Variants in N4BP2 observed in about 807,000 individuals in gnomAD.
The protein encoded by N4BP2 is NEDD4 binding protein 2.
N4BP2 carries 91 observed loss-of-function variants against 152.8 expected under a neutral mutation model. The ratio of observed to expected loss-of-function variants is 0.60; its 90% CI spans 0.50 to 0.71. The LOEUF (loss-of-function observed/expected upper bound fraction) is 0.71, where lower values mean the gene tolerates loss of function less well. N4BP2 is among the 30% of genes least tolerant of loss of function. N4BP2 has a pLI of 0.00. For missense variants in N4BP2, 1,923 were observed against 2,059.1 expected (o/e 0.93, Z 1.28); for synonymous variants, 646 against 705.3 (o/e 0.92, Z 1.33).
chr4:40,064,353 C>T (rs1336088868), intron 1 of N4BP2, among the ~76,000 whole-genome samples: 1 of 152,092 alleles, frequency 6.6e-6, no homozygotes, highest in African/African-American at 2.4e-5. Context: ...TGACTCACTG[C>T]AACCTCTGCC....
intron 2 of N4BP2, among the ~76,000 whole-genome samples, chr4:40,085,275 A>G (rs564616582): frequency 6.6e-5 from 10 of 151,976 alleles, no homozygotes; most frequent in Admixed American, 1.3e-4. Flanking sequence ...ACCTCAGGCA[A>G]TCTGCCCGCC....
At chr4:40,079,665 A>G (rs1713155428) in intron 2 of N4BP2, among the ~76,000 whole-genome samples, 1 of 152,144 alleles carries the variant, frequency 6.6e-6, no homozygotes. Context: ...AAATTAGCTG[A>G]GTGACATGTG....
chr4:40,171,065 C>A, the N4BP2 span, among the ~76,000 whole-genome samples: 86 of 152,240 alleles, frequency 5.6e-4, no homozygotes, highest in Non-Finnish European at 9.4e-4. Flanking sequence ...TAGGGATGCC[C>A]AGTTTAATGA....
intron 2 of N4BP2, among the ~76,000 whole-genome samples, chr4:40,094,293 C>T (rs1479383756): frequency 6.6e-6 from 1 of 152,042 alleles, no homozygotes; most frequent in Non-Finnish European, 1.5e-5. Context: ...TCTGTTAATA[C>T]TTGAAAAGAG....
intron 13 of N4BP2, among the ~76,000 whole-genome samples, chr4:40,134,198 A>G (rs1719150918): frequency 6.6e-6 from 1 of 152,120 alleles, no homozygotes. Context: ...TAGTATTCCA[A>G]TCCCTAATTT....
chr4:40,180,796 T>C, the N4BP2 span, among the ~76,000 whole-genome samples: 7 of 152,174 alleles, frequency 4.6e-5, no homozygotes, highest in Admixed American at 1.3e-4. Context: ...TATTGATTGG[T>C]GAAAACAAAA....
Position 40,126,286 on chromosome 4 carries a change from G to T in N4BP2, c.4483G>T (p.Glu1495Ter), listed in dbSNP as rs749871559. 3 of 1,581,882 alleles carry T rather than the reference G, an allele frequency of 1.9e-6. No homozygotes were observed. The highest frequency in any genetic ancestry group is 1.2e-5 in the South Asian group (1 of 85,840). The change falls in exon 12 of 18, where the codon GAA becomes TAA. Residue 1495 changes from glutamate to a stop codon, truncating the protein, a stop_gained. Transcript: ENST00000261435. LOFTEE classifies it high-confidence loss of function. ...TCAAACTAAAAAAGTATCACTCAGA[G>T]AAATAATGTCAGAAGAAATTGCCTT... ...NTQTKKVSLR[E>*]IMSEEIALQE...
rs1334878818 is a variant in N4BP2 at position 40,120,122 on chromosome 4, A to G, written c.2011A>G (p.Ser671Gly). The change falls in exon 9 of 18, where the codon AGC becomes GGC. Residue 671 changes from serine to glycine, a missense_variant. Coordinates refer to ENST00000261435, the MANE Select transcript of N4BP2 (RefSeq NM_018177.6). Reference sequence around the variant, plus strand: ...AAAAGAAATAAGTGATATGAATCCTAGCATTCAAAGTGCTTTAATTCTGGA... The same window carrying G: ...AAAAGAAATAAGTGATATGAATCCTGGCATTCAAAGTGCTTTAATTCTGGA... ...RRKEISDMNP[S>G]IQSALILETP... 2 of 1,612,116 alleles carry G rather than the reference A, an allele frequency of 1.2e-6. No homozygotes were observed. Among genetic ancestry groups the G allele is most frequent in the Admixed American group, 3.4e-5 (2 of 59,486 alleles).
At chr4:40,123,236 G>C in intron 10 of N4BP2, 24 bp downstream of exon 10, 2 of 1,494,944 alleles carry the variant, frequency 1.3e-6, no homozygotes, top group Non-Finnish European at 1.9e-6. Flanking sequence ...TTTTTATAAA[G>C]AGCTCCTTTT....
At position 40,121,536 on chromosome 4, in the gene N4BP2, A is replaced by G; in HGVS notation, c.3425A>G (p.Gln1142Arg). 3 of 1,614,162 alleles carry G rather than the reference A, an allele frequency of 1.9e-6. No homozygotes were observed. Among genetic ancestry groups the G allele is most frequent in the Non-Finnish European group, 2.5e-6 (3 of 1,180,000 alleles). Residue 1142 changes from glutamine to arginine, a missense_variant, in exon 9 of 18, where the codon CAA becomes CGA. Transcript: ENST00000261435. ...GAGGATACAGAGTTTGAGAATTTCC[A>G]AAAATCGTGTGATGGATCACAAATT... ...LCEDTEFENF[Q>R]KSCDGSQIGP...
chr4:40,075,985 C>T (rs1482367134), intron 2 of N4BP2, among the ~76,000 whole-genome samples: 2 of 152,062 alleles, frequency 1.3e-5, no homozygotes, highest in Admixed American at 6.6e-5. Context: ...TACCACCAGG[C>T]CTAGCTAATT....
At chr4:40,146,935 A>C (rs1002252799) in intron 16 of N4BP2, among the ~76,000 whole-genome samples, 1 of 82,592 alleles carries the variant, frequency 1.2e-5, no homozygotes, top group African/African-American at 4.9e-5. Context: ...TTTTTTATTG[A>C]TCATTCTTGG....
rs1715814836 is a variant in N4BP2 at position 40,102,781 on chromosome 4, T to G, written c.936T>G (p.Thr312=). ...GTACAGGTGGGGATCAGAAATCTAC[T>G]CGGGTCTCTGATGTGTTTCTACCTT... ...LPGTGGDQKS[T]RVSDVFLPSE... Residue 312 remains threonine, a synonymous_variant, in exon 4 of 18, where the codon ACT becomes ACG. Transcript: ENST00000261435. The G allele has an allele frequency of 6.2e-7, 1 of 1,614,176 alleles. No individual in the cohort carries two copies. The highest frequency in any genetic ancestry group is 8.5e-7 in the Non-Finnish European group (1 of 1,180,034).
the N4BP2 span, among the ~76,000 whole-genome samples, chr4:40,181,880 C>T: frequency 1.3e-5 from 2 of 152,162 alleles, no homozygotes; most frequent in Non-Finnish European, 2.9e-5. Context: ...ACCCAGGTGG[C>T]GGAGGTTGCA....
At chr4:40,081,929 A>G (rs974163913) in intron 2 of N4BP2, among the ~76,000 whole-genome samples, 11 of 151,874 alleles carry the variant, frequency 7.2e-5, no homozygotes, top group African/African-American at 2.4e-4. Flanking sequence ...CCTGACCAAC[A>G]TGGAGAAACC....
the N4BP2 span, among the ~76,000 whole-genome samples, chr4:40,183,530 G>C: frequency 6.6e-6 from 1 of 152,032 alleles, no homozygotes; most frequent in East Asian, 1.9e-4. Context: ...TAGAGACGGG[G>C]TTTCACCATG....
At chr4:40,090,216 C>T (rs993169618) in intron 2 of N4BP2, among the ~76,000 whole-genome samples, 5 of 151,594 alleles carry the variant, frequency 3.3e-5, no homozygotes, top group African/African-American at 7.3e-5. Flanking sequence ...AATCAGGTTG[C>T]GATTCCTCCT....
intron 2 of N4BP2, among the ~76,000 whole-genome samples, chr4:40,094,673 CT>C (rs1251669510): frequency 2.6e-5 from 4 of 152,110 alleles, no homozygotes; most frequent in Middle Eastern, 3.4e-3. Flanking sequence ...CTGCCTTAGC[CT>C]CTCGAGTAGC....
intron 12 of N4BP2, among the ~76,000 whole-genome samples, chr4:40,130,602 A>C (rs1229531878): frequency 6.6e-6 from 1 of 151,818 alleles, no homozygotes; most frequent in Non-Finnish European, 1.5e-5. Flanking sequence ...TCTAGCCTTG[A>C]CCTCCTGGGC....
Sources: gnomAD v4.1 joint callset for allele counts (sites outside exome capture counted in the v4.1 genomes callset) on GRCh38, gnomAD v4.1.1 for gene constraint, MANE v1.5 for transcripts, NCBI Gene and HGNC (gene_info 2026-07-23, HGNC 2026-07-21) for gene names.